The following PCED1B variants were observed in gnomAD, a reference collection of about 807,000 sequenced individuals.
PCED1B encodes PC-esterase domain-containing protein 1B.
For synonymous variants in PCED1B, 251 were observed against 246.1 expected (o/e 1.02, Z -0.19); for missense variants, 573 against 573.9 (o/e 1.00, Z 0.02).
intron 1 of PCED1B, among the ~76,000 whole-genome samples, chr12:47,101,708 A>G (rs1163262782): frequency 1.3e-5 from 2 of 152,164 alleles, no homozygotes; most frequent in African/African-American, 2.4e-5. Flanking sequence ...GCACTTTGGG[A>G]GGCTGAGACG....
intron 2 of PCED1B, among the ~76,000 whole-genome samples, chr12:47,156,214 T>C (rs1259250425): frequency 1.3e-5 from 2 of 152,204 alleles, no homozygotes; most frequent in Non-Finnish European, 2.9e-5. Flanking sequence ...TTTTAACTGA[T>C]GGCAAAAATA....
intron 2 of PCED1B, chr12:47,136,085 C>CTTTTTTTTTTTTTT (rs57549946): frequency 7.6e-6 from 1 of 131,502 alleles, no homozygotes; most frequent in African/African-American, 2.9e-5. Context: ...CAATTTCTTT[C>CTTTTTTTTTTTTTT]TTTTTTTTTT....
At position 47,173,667 on chromosome 12, in the gene PCED1B, A is replaced by C. The variant is rs140456586; in HGVS notation, c.-525-42555A>C. Among the ~76,000 whole-genome samples the C allele has an allele frequency of 3.5e-3, 537 of 152,306 alleles. 2 individuals are homozygous for C. The highest frequency in any genetic ancestry group is 4.5e-3 in the Admixed American group (69 of 15,296). Reference sequence around the variant, plus strand: ...TAACGGAAGTTGGGCCATCCTGCCAAAGATTCGTAGTCACTAATTTTAGGA... The same window carrying C: ...TAACGGAAGTTGGGCCATCCTGCCACAGATTCGTAGTCACTAATTTTAGGA... On this transcript the variant is annotated intron_variant, in intron 2 of 3. Transcript: ENST00000546455.
intron 2 of PCED1B, among the ~76,000 whole-genome samples, chr12:47,106,594 A>C (rs1334736417): frequency 6.6e-6 from 1 of 152,112 alleles, no homozygotes; most frequent in Non-Finnish European, 1.5e-5. Flanking sequence ...CCCAGGCCCC[A>C]GACTGTAGGC....
At chr12:47,135,942 G>T (rs1940344591) in intron 2 of PCED1B, 2 of 133,092 alleles carry the variant, frequency 1.5e-5, no homozygotes, top group South Asian at 1.5e-4. Context: ...TTGCTGGGAT[G>T]GTTCTCCAAA....
At chr12:47,229,799 T>G (rs1943743021) in intron 3 of PCED1B, among the ~76,000 whole-genome samples, 1 of 151,884 alleles carries the variant, frequency 6.6e-6, no homozygotes, top group Admixed American at 6.6e-5. Flanking sequence ...AGATGGAGTC[T>G]CTCTCTGTCA....
intron 2 of PCED1B, among the ~76,000 whole-genome samples, chr12:47,127,199 A>C (rs1374059210): frequency 6.6e-6 from 1 of 152,090 alleles, no homozygotes; most frequent in Non-Finnish European, 1.5e-5. Flanking sequence ...TTTGATACAC[A>C]TTTACATTCA....
intron 2 of PCED1B, among the ~76,000 whole-genome samples, chr12:47,213,234 T>C (rs832726): frequency 0.8 from 122,417 of 152,226 alleles, 49,975 homozygotes; most frequent in African/African-American, 0.93. Context: ...TCCTAATATG[T>C]TATCAGAGAA....
chr12:47,232,305 G>C (rs1313876400), intron 3 of PCED1B, among the ~76,000 whole-genome samples: 1 of 152,142 alleles, frequency 6.6e-6, no homozygotes, highest in Non-Finnish European at 1.5e-5. Flanking sequence ...CTTTTATTCT[G>C]ATAGCAAAAA....
intron 3 of PCED1B, among the ~76,000 whole-genome samples, chr12:47,226,655 G>A (rs965128908): frequency 4.6e-5 from 7 of 152,184 alleles, no homozygotes; most frequent in African/African-American, 1.7e-4. Context: ...GATTACAGGC[G>A]TGAGCCACTG....
At chr12:47,111,136 C>CTAT (rs1439372283) in intron 2 of PCED1B, among the ~76,000 whole-genome samples, 1 of 152,190 alleles carries the variant, frequency 6.6e-6, no homozygotes, top group African/African-American at 2.4e-5. Context: ...CCCAAGGATG[C>CTAT]TATGACTCTC....
chr12:47,166,790 TA>T (rs1235580754), intron 2 of PCED1B, among the ~76,000 whole-genome samples: 8 of 152,186 alleles, frequency 5.3e-5, no homozygotes, highest in Admixed American at 2.0e-4. Context: ...TAGAAAAAAA[TA>T]TTTTTTTTAT....
intron 3 of PCED1B, among the ~76,000 whole-genome samples, chr12:47,218,299 T>C (rs1943365015): frequency 6.6e-6 from 1 of 151,698 alleles, no homozygotes; most frequent in Non-Finnish European, 1.5e-5. Flanking sequence ...TCGGTGTGCA[T>C]AGGCAGTATG....
intron 2 of PCED1B, chr12:47,135,483 G>A: frequency 4.5e-6 from 2 of 442,598 alleles, no homozygotes; most frequent in Non-Finnish European, 9.0e-6. Context: ...GCTGTCTCCT[G>A]TTCTATCGAG....
chr12:47,145,694 A>C (rs891332690), intron 2 of PCED1B, among the ~76,000 whole-genome samples: 1 of 152,244 alleles, frequency 6.6e-6, no homozygotes, highest in African/African-American at 2.4e-5. Context: ...TCTATTTACA[A>C]CAAGGTTTAC....
At position 47,155,521 on chromosome 12, in the gene PCED1B, A is replaced by G. The variant is rs527246688; in HGVS notation, c.-526+51326A>G. On this transcript the variant is annotated intron_variant, in intron 2 of 3. Transcript: ENST00000546455. ...CTGAGTCTGTGACCCTGAATACATAACAATAGCTATGACCAATTGTTGAAC... is the reference window on the plus strand; with the variant it reads ...CTGAGTCTGTGACCCTGAATACATAGCAATAGCTATGACCAATTGTTGAAC... Among the ~76,000 whole-genome samples, 6 of 152,362 alleles carry G rather than the reference A, an allele frequency of 3.9e-5. 2 individuals carry two copies. Among genetic ancestry groups the G allele is most frequent in the African/African-American group, 1.4e-4 (6 of 41,580 alleles).
chr12:47,146,792 C>T (rs1224733497), intron 2 of PCED1B, among the ~76,000 whole-genome samples: 1 of 152,050 alleles, frequency 6.6e-6, no homozygotes, highest in Admixed American at 6.6e-5. Context: ...GTGATATTTG[C>T]TTTATTGCAG....
chr12:47,132,181 G>T (rs1380401906), intron 2 of PCED1B, among the ~76,000 whole-genome samples: 2 of 151,994 alleles, frequency 1.3e-5, no homozygotes, highest in Non-Finnish European at 2.9e-5. Context: ...GTCCCTTTTT[G>T]TGAACTCTCT....
intron 2 of PCED1B, among the ~76,000 whole-genome samples, chr12:47,157,833 G>C (rs1941244638): frequency 6.6e-6 from 1 of 152,208 alleles, no homozygotes; most frequent in East Asian, 1.9e-4. Flanking sequence ...CTGACAACCA[G>C]TATACCACTT....
Sources: allele counts gnomAD v4.1 joint callset (sites outside exome capture counted in the v4.1 genomes callset), GRCh38; gene constraint gnomAD v4.1.1; transcripts MANE v1.5; gene names NCBI Gene and HGNC (gene_info 2026-07-23, HGNC 2026-07-21).